The following GDAP2 variants were observed in gnomAD, a reference collection of about 807,000 sequenced individuals.
The protein encoded by GDAP2 is ganglioside induced differentiation associated protein 2.
GDAP2 carries 51 observed loss-of-function variants against 67.0 expected under a neutral mutation model. The observed-to-expected ratio is 0.76, with a 90% confidence interval of 0.61 to 0.96. The LOEUF (loss-of-function observed/expected upper bound fraction) is 0.96, where lower values mean the gene tolerates loss of function less well. GDAP2 is among the 40% of genes least tolerant of loss of function. GDAP2 has a pLI of 0.00. For synonymous variants in GDAP2, 203 were observed against 207.3 expected (o/e 0.98, Z 0.18); for missense variants, 547 against 588.3 (o/e 0.93, Z 0.73).
chr1:117,928,291 A>C (rs1212382560), intron 1 of GDAP2, among the ~76,000 whole-genome samples: 1 of 152,228 alleles, frequency 6.6e-6, no homozygotes, highest in African/African-American at 2.4e-5. Context: ...GACAATAATT[A>C]TTTAGCATTG....
chr1:117,886,544 T>C (rs188231832), intron 10 of GDAP2, 33 bp downstream of exon 10: 50 of 1,108,966 alleles, frequency 4.5e-5, no homozygotes, highest in Non-Finnish European at 5.5e-5. Context: ...TCAATCAACA[T>C]TGTTTGTAAA....
chr1:117,884,055 T>C (rs1164773970), intron 10 of GDAP2, among the ~76,000 whole-genome samples: 2 of 152,194 alleles, frequency 1.3e-5, no homozygotes, highest in Non-Finnish European at 2.9e-5. Context: ...TCAAAGTCTT[T>C]GCAGTCTCTA....
At chr1:117,910,854 C>G (rs1167796406) in intron 5 of GDAP2, among the ~76,000 whole-genome samples, 1 of 152,162 alleles carries the variant, frequency 6.6e-6, no homozygotes, top group Non-Finnish European at 1.5e-5. Context: ...TTGCCTTGTA[C>G]AGTTGGAGTT....
chr1:117,914,979 CA>C, intron 3 of GDAP2, among the ~76,000 whole-genome samples: 1 of 151,950 alleles, frequency 6.6e-6, no homozygotes, highest in South Asian at 2.1e-4. Flanking sequence ...AAAAAAGTTC[CA>C]GAACAGTAAC....
chr1:117,913,172 C>T (rs188997904), intron 3 of GDAP2, among the ~76,000 whole-genome samples: 2 of 152,250 alleles, frequency 1.3e-5, no homozygotes, highest in East Asian at 3.9e-4. Context: ...GTACTTACTT[C>T]ACAGGATTAA....
At chr1:117,891,336 T>C (rs1557799589) in intron 8 of GDAP2, among the ~76,000 whole-genome samples, 1 of 151,750 alleles carries the variant, frequency 6.6e-6, no homozygotes, top group East Asian at 1.9e-4. Flanking sequence ...GAATGTTTAA[T>C]TTTAGGAGAT....
At position 117,865,554 on chromosome 1, in the gene GDAP2, C is replaced by T. The variant is rs1648027090; in HGVS notation, c.*5015G>A. 1 of 152,114 alleles carries T rather than the reference C, an allele frequency of 6.6e-6. No individual in the cohort carries two copies. The highest frequency in any genetic ancestry group is 2.4e-5 in the African/African-American group (1 of 41,476). The allele number at this position is 152,114 out of a possible 1,614,324, so 9.4% of individuals were successfully genotyped here. ...GATCTGGTCTAACAAAGTCCTGTCT[C>T]AGTCTGTGATGACTGTGTGCTTACG... On this transcript the variant is annotated 3_prime_UTR_variant, in exon 14 of 14. Transcript: ENST00000369443.
At chr1:117,882,225 A>G (rs1648674194) in intron 11 of GDAP2, among the ~76,000 whole-genome samples, 1 of 152,156 alleles carries the variant, frequency 6.6e-6, no homozygotes, top group Admixed American at 6.5e-5. Flanking sequence ...TAAACCACTT[A>G]AAATTATAGC....
At chr1:117,910,000 G>C (rs1385324783) in intron 5 of GDAP2, among the ~76,000 whole-genome samples, 1 of 152,198 alleles carries the variant, frequency 6.6e-6, no homozygotes, top group Non-Finnish European at 1.5e-5. Context: ...CAAGGACTAA[G>C]TAAAATCAGA....
intron 3 of GDAP2, among the ~76,000 whole-genome samples, chr1:117,917,789 A>G (rs532737390): frequency 2.2e-4 from 33 of 152,346 alleles, no homozygotes; most frequent in African/African-American, 7.7e-4. Flanking sequence ...ACATGCCATT[A>G]GGAATTTTTC....
chr1:117,917,036 G>GAA (rs771487535), intron 3 of GDAP2, among the ~76,000 whole-genome samples: 3 of 124,908 alleles, frequency 2.4e-5, no homozygotes, highest in Admixed American at 1.6e-4. Context: ...TCTGTCTCAG[G>GAA]AAAAAAAAAA....
chr1:117,881,779 G>C (rs776151940), intron 12 of GDAP2, 44 bp downstream of exon 12: 2 of 982,598 alleles, frequency 2.0e-6, no homozygotes, highest in Admixed American at 3.4e-5. Context: ...TGGGCATGCA[G>C]TGCACATAAA....
intron 8 of GDAP2, among the ~76,000 whole-genome samples, chr1:117,890,413 A>G (rs895544160): frequency 4.0e-5 from 6 of 151,470 alleles, no homozygotes; most frequent in African/African-American, 1.5e-4. Context: ...CTCAATCTCT[A>G]TATCTATATC....
At chr1:117,918,228 G>A (rs1052498251) in intron 3 of GDAP2, among the ~76,000 whole-genome samples, 3 of 152,116 alleles carry the variant, frequency 2.0e-5, no homozygotes, top group East Asian at 1.9e-4. Context: ...ATGCAAGCTC[G>A]GTAATTTAAC....
intron 1 of GDAP2, among the ~76,000 whole-genome samples, chr1:117,925,912 T>C (rs962814193): frequency 2.0e-5 from 3 of 152,224 alleles, no homozygotes; most frequent in East Asian, 1.9e-4. Context: ...ATTCCACACG[T>C]TTAAGCCCAC....
At chr1:117,910,196 A>G (rs767545294) in intron 5 of GDAP2, among the ~76,000 whole-genome samples, 3 of 152,134 alleles carry the variant, frequency 2.0e-5, no homozygotes, top group Non-Finnish European at 4.4e-5. Context: ...GGGAGTCAGA[A>G]GGTCTGGATA....
chr1:117,877,417 A>C (rs1265786812), intron 13 of GDAP2: 1 of 980,236 alleles, frequency 1.0e-6, no homozygotes, highest in Admixed American at 6.2e-5. Flanking sequence ...TTCAAAAATT[A>C]CTAAGGTGAT....
intron 1 of GDAP2, among the ~76,000 whole-genome samples, chr1:117,924,635 G>A (rs1343078579): frequency 1.3e-5 from 2 of 152,168 alleles, no homozygotes; most frequent in Admixed American, 6.5e-5. Flanking sequence ...CAACACTGCG[G>A]AACAGGAAAT....
In GDAP2 at chr1:117,909,913, C is replaced by T. The variant is rs193099306; in HGVS notation, c.559+2081G>A. On this transcript the variant is annotated intron_variant, in intron 5 of 13. Coordinates refer to ENST00000369443, the MANE Select transcript of GDAP2 (RefSeq NM_017686.4). ...TCAGAACCTTTTCTACAAAATAATGCTGCCTCTTTAAAATAGAATCCTTAT... is the reference window on the plus strand; with the variant it reads ...TCAGAACCTTTTCTACAAAATAATGTTGCCTCTTTAAAATAGAATCCTTAT... Among the ~76,000 whole-genome samples the T allele has an allele frequency of 1.4e-4, 22 of 152,162 alleles. No individual in the cohort carries two copies. The East Asian group carries it at 3.7e-3, about 25-fold the overall frequency.
Sources: gnomAD v4.1 joint callset for allele counts (sites outside exome capture counted in the v4.1 genomes callset) on GRCh38, gnomAD v4.1.1 for gene constraint, MANE v1.5 for transcripts, NCBI Gene and HGNC (gene_info 2026-07-23, HGNC 2026-07-21) for gene names.